The following DSG2 variants were observed in gnomAD, a reference collection of about 807,000 sequenced individuals.
DSG2 encodes desmoglein 2, also known as desmoglein-2.
A neutral mutation model predicts 75.6 loss-of-function variants in DSG2; 45 were observed. That is an observed-to-expected ratio of 0.60 (90% confidence interval 0.47 to 0.76). The LOEUF (loss-of-function observed/expected upper bound fraction) is 0.76. Ranked by LOEUF, DSG2 falls within the 30% of genes least tolerant of loss-of-function variation. The pLI is 0.00. For missense variants in DSG2, 1,267 were observed against 1,357.4 expected (o/e 0.93, Z 1.05); for synonymous variants, 429 against 483.9 (o/e 0.89, Z 1.49).
At chr18:31,545,592 T>C (rs1253116700) in intron 14 of DSG2, 129 bp from the exon 15 acceptor site, 2 of 1,138,508 alleles carry the variant, frequency 1.8e-6, no homozygotes, top group African/African-American at 3.1e-5. Context: ...TGTGTTTCCC[T>C]GATGGTTCCT....
chr18:31,517,832 C>G (rs1056659136), intron 1 of DSG2, among the ~76,000 whole-genome samples: 2 of 151,954 alleles, frequency 1.3e-5, no homozygotes, highest in African/African-American at 4.8e-5. Flanking sequence ...AATGCACACA[C>G]ATCCATAGGG....
intron 8 of DSG2, 81 bp downstream of exon 8, chr18:31,524,969 T>A: frequency 2.3e-6 from 3 of 1,314,088 alleles, no homozygotes; most frequent in African/African-American, 1.5e-5. Context: ...CCTGAACACT[T>A]AAAAGTGCTT....
intron 12 of DSG2, among the ~76,000 whole-genome samples, chr18:31,540,023 G>T (rs2073256391): frequency 6.6e-6 from 1 of 152,012 alleles, no homozygotes; most frequent in Admixed American, 6.6e-5. Context: ...CCCCAGATGG[G>T]ACCATCTAGT....
Position 31,546,589 on chromosome 18 carries a change from C to G in DSG2, c.3203C>G (p.Ser1068Cys). ...QSSYQIPTEN[S>C]MTARNTTVSG... ...AGTTACCAGATTCCCACTGAAAATT[C>G]TATGACGGCTAGGAACACCACGGTG... The change falls in exon 15 of 15, where the codon TCT becomes TGT. Residue 1068 changes from serine (S) to cysteine (C), a missense_variant. Physicochemically the swap from Ser to Cys is moderately radical, Grantham distance 112. Coordinates refer to ENST00000261590, the MANE Select transcript of DSG2 (RefSeq NM_001943.5). The G allele has an allele frequency of 1.2e-6, 2 of 1,614,218 alleles. No homozygotes were observed. The highest frequency in any genetic ancestry group is 1.7e-6 in the Non-Finnish European group (2 of 1,180,032).
intron 8 of DSG2, 57 bp from the exon 9 acceptor site, chr18:31,530,930 G>A: frequency 1.3e-6 from 2 of 1,498,334 alleles, no homozygotes; most frequent in Non-Finnish European, 1.9e-6. Context: ...ATATGTATAT[G>A]TATACATGTC....
At chr18:31,524,314 C>G in intron 6 of DSG2, 134 bp from the exon 7 acceptor site, 2 of 1,253,300 alleles carry the variant, frequency 1.6e-6, no homozygotes, top group South Asian at 2.6e-5. Context: ...TATCTTCACA[C>G]AAATAATAGC....
chr18:31,535,092 C>T (rs888953874), intron 9 of DSG2, among the ~76,000 whole-genome samples, 178 bp from the exon 10 acceptor site: 1 of 152,088 alleles, frequency 6.6e-6, no homozygotes. Flanking sequence ...TTAAGTGTGA[C>T]ATGCAGTAAA....
rs768150787 is a variant in DSG2, at chr18:31,538,962, C to T, written c.1863C>T (p.Ala621=). Residue 621 remains alanine (A), a synonymous_variant, in exon 12 of 15, where the codon GCC becomes GCT. Coordinates refer to ENST00000261590, the MANE Select transcript of DSG2 (RefSeq NM_001943.5). ...GPAAIALMIL[A]FLLLLLVPLL... is the part of the protein sequence containing the mutation. ...CAGCAATTGCGCTCATGATTTTGGCCTTTCTGCTCCTGCTATGTAAGTCTT... is the reference window on the plus strand; with the variant it reads ...CAGCAATTGCGCTCATGATTTTGGCTTTTCTGCTCCTGCTATGTAAGTCTT... 1.2e-6 allele frequency: 2 copies of T among 1,613,708 alleles called. No individual in the cohort carries two copies. The highest frequency in any genetic ancestry group is 2.2e-5 in the South Asian group (2 of 91,080).
intron 1 of DSG2, among the ~76,000 whole-genome samples, chr18:31,514,446 A>G (rs1311478549): frequency 6.6e-6 from 1 of 152,218 alleles, no homozygotes; most frequent in Non-Finnish European, 1.5e-5. Context: ...ACATTAATGA[A>G]ATATATTTTA....
At chr18:31,508,430 G>A (rs9807586) in intron 1 of DSG2, among the ~76,000 whole-genome samples, 49 of 151,364 alleles carry the variant, frequency 3.2e-4, no homozygotes, top group Non-Finnish European at 4.7e-4. Context: ...GTCTCATTCC[G>A]TCACCCAGGC....
Position 31,545,702 on chromosome 18 carries a change from T to C in DSG2, c.2335-19T>C. The C allele has an allele frequency of 6.2e-7, 1 of 1,611,702 alleles. No individual in the cohort carries two copies. The highest frequency in any genetic ancestry group is 8.5e-7 in the Non-Finnish European group (1 of 1,179,912). ...TTATTTGTCTGTTTTGTGTTTGTTTTGTTTTGTTTTCATTTTAGAAAGCGG... is the reference window on the plus strand; with the variant it reads ...TTATTTGTCTGTTTTGTGTTTGTTTCGTTTTGTTTTCATTTTAGAAAGCGG... On this transcript the variant is annotated intron_variant, in intron 14 of 14. Coordinates refer to ENST00000261590, the MANE Select transcript of DSG2 (RefSeq NM_001943.5).
At chr18:31,516,409 GTC>G (rs1243953138) in intron 1 of DSG2, among the ~76,000 whole-genome samples, 13 of 152,156 alleles carry the variant, frequency 8.5e-5, no homozygotes, top group Non-Finnish European at 1.6e-4. Flanking sequence ...AATACATGGG[GTC>G]ATCTCATAAG....
Position 31,535,414 on chromosome 18 carries a change from T to G in DSG2, c.1423+2T>G. Reference sequence around the variant, plus strand: ...TAAAGATTGTGGCCATATCAGAAGGTAAGTTATTAAATAGATCTTTTTCTT... The same window carrying G: ...TAAAGATTGTGGCCATATCAGAAGGGAAGTTATTAAATAGATCTTTTTCTT... On this transcript the variant is annotated splice_donor_variant, in intron 10 of 14. Coordinates refer to ENST00000261590, the MANE Select transcript of DSG2 (RefSeq NM_001943.5). LOFTEE classifies it high-confidence loss of function. The G allele has an allele frequency of 6.2e-7, 1 of 1,601,026 alleles. No homozygotes were observed. The highest frequency in any genetic ancestry group is 8.6e-7 in the Non-Finnish European group (1 of 1,169,150).
chr18:31,524,945 AAT>A (rs1339449085), intron 8 of DSG2, 57 bp downstream of exon 8: 1 of 1,534,722 alleles, frequency 6.5e-7, no homozygotes. Flanking sequence ...AAAGGAATCT[AAT>A]ATATTTTGAG....
Position 31,535,413 on chromosome 18 carries a change from G to C in DSG2, c.1423+1G>C. 1 of 1,603,638 alleles carries C rather than the reference G, an allele frequency of 6.2e-7. No homozygotes were observed. The highest frequency in any genetic ancestry group is 8.5e-7 in the Non-Finnish European group (1 of 1,171,534). On this transcript the variant is annotated splice_donor_variant, in intron 10 of 14. Coordinates refer to ENST00000261590, the MANE Select transcript of DSG2 (RefSeq NM_001943.5). LOFTEE classifies it high-confidence loss of function. Reference sequence around the variant, plus strand: ...GTAAAGATTGTGGCCATATCAGAAGGTAAGTTATTAAATAGATCTTTTTCT... The same window carrying C: ...GTAAAGATTGTGGCCATATCAGAAGCTAAGTTATTAAATAGATCTTTTTCT...
chr18:31,546,975 G>T lies in DSG2; in HGVS notation c.*232G>T. ...ACATAGAGATGATGCTGCTGCTTAG[G>T]TGCCTTTTAGCAAGCTATGCAAACA... On this transcript the variant is annotated 3_prime_UTR_variant, in exon 15 of 15. Coordinates refer to ENST00000261590, the MANE Select transcript of DSG2 (RefSeq NM_001943.5). 1 of 593,594 alleles carries T rather than the reference G, an allele frequency of 1.7e-6. No individual in the cohort carries two copies. The allele number at this position is 593,594 out of a possible 1,614,324, so 36.8% of individuals were successfully genotyped here. A position where few individuals can be genotyped will look rare whatever the true frequency, so the allele number is the denominator to read the frequency against.
At chr18:31,514,420 A>G (rs949943824) in intron 1 of DSG2, among the ~76,000 whole-genome samples, 2 of 152,252 alleles carry the variant, frequency 1.3e-5, no homozygotes, top group African/African-American at 4.8e-5. Flanking sequence ...AAGTGATTTT[A>G]ATGTTAAAAA....
At chr18:31,525,018 A>C in intron 8 of DSG2, 130 bp downstream of exon 8, 1 of 906,462 alleles carries the variant, frequency 1.1e-6, no homozygotes, top group African/African-American at 1.7e-5. Context: ...TGTTTGAGAA[A>C]GGAGCCATCC....
At chr18:31,516,165 C>G (rs1421673054) in intron 1 of DSG2, among the ~76,000 whole-genome samples, 2 of 151,096 alleles carry the variant, frequency 1.3e-5, no homozygotes, top group African/African-American at 4.9e-5. Context: ...ATAAGGAAAA[C>G]CTAAATATAT....
Sources: allele counts gnomAD v4.1 joint callset (sites outside exome capture counted in the v4.1 genomes callset), GRCh38; gene constraint gnomAD v4.1.1; transcripts MANE v1.5; gene names NCBI Gene and HGNC (gene_info 2026-07-23, HGNC 2026-07-21).